Variants in UNC80 observed in about 807,000 individuals in gnomAD.
The protein encoded by UNC80 is protein unc-80 homolog.
A neutral mutation model predicts 384.6 loss-of-function variants in UNC80; 164 were observed. That is an observed-to-expected ratio of 0.43 (90% CI 0.38 to 0.49). UNC80 has a LOEUF of 0.49. Ranked by LOEUF, UNC80 falls within the 20% of genes least tolerant of loss-of-function variation. UNC80 has a pLI of 0.00. For synonymous variants in UNC80, 1,486 were observed against 1,527.8 expected (o/e 0.97, Z 0.64); for missense variants, 3,330 against 4,143.0 (o/e 0.80, Z 5.39).
chr2:209,955,012 G>A (rs2092346132), intron 48 of UNC80, among the ~76,000 whole-genome samples: 1 of 152,148 alleles, frequency 6.6e-6, no homozygotes, highest in Non-Finnish European at 1.5e-5. Context: ...TGCAAGTGGG[G>A]AAGGTGGATG....
chr2:209,894,207 A>T lies in UNC80; in HGVS notation c.4321A>T (p.Ile1441Phe), dbSNP rs982240216. 56 of 985,444 alleles carry T rather than the reference A, an allele frequency of 5.7e-5. No homozygotes were observed. The African/African-American group carries it at 8.5e-4, about 15-fold the overall frequency. 61.0% of individuals were successfully genotyped at this position (985,444 alleles called of 1,614,324 possible). ...IRIGGSRLLQ[I>F]KGTRSFQVKK... ...GATAGGAGGTTCTCGCCTGCTCCAG[A>T]TTAAAGGAACCCGCAGTTTCCAGGT... The change falls in exon 27 of 65, where the codon ATT becomes TTT. Residue 1441 changes from isoleucine (I) to phenylalanine (F), a missense_variant. Coordinates refer to ENST00000673920, the MANE Select transcript of UNC80 (RefSeq NM_001371986.1).
At position 209,872,632 on chromosome 2, in the gene UNC80, TG is replaced by T; in HGVS notation, c.3628-124del. On this transcript the variant is annotated intron_variant, in intron 22 of 64. Coordinates refer to ENST00000673920, the MANE Select transcript of UNC80 (RefSeq NM_001371986.1). The surrounding 1 kb of genome is among the most constrained non-coding windows in gnomAD (Gnocchi z 4.1). ...CATACTGACACCACCCTGGGAAATA[TG>T]GCCAATATAAATCAAAACATGAAGA... is the stretch of plus-strand genomic sequence containing the variant. The T allele has an allele frequency of 2.2e-6, 2 of 898,790 alleles. No individual in the cohort carries two copies. Among genetic ancestry groups the T allele is most frequent in the Non-Finnish European group, 3.4e-6 (2 of 586,532 alleles). The allele number at this position is 898,790 out of a possible 1,614,324, so 55.7% of individuals were successfully genotyped here. A position where few individuals can be genotyped will look rare whatever the true frequency, so the allele number is the denominator to read the frequency against.
chr2:209,801,277 T>C (rs1009275490), intron 7 of UNC80, among the ~76,000 whole-genome samples: 1 of 152,172 alleles, frequency 6.6e-6, no homozygotes, highest in Non-Finnish European at 1.5e-5. Context: ...CTCTTCCTAT[T>C]GAATTGTTCC....
chr2:209,786,298 T>G, intron 5 of UNC80, 109 bp downstream of exon 5: 3 of 1,347,220 alleles, frequency 2.2e-6, no homozygotes, highest in Non-Finnish European at 2.0e-6. Flanking sequence ...AGCAAATATC[T>G]ACATGTAGTT....
chr2:209,831,722 C>T, intron 16 of UNC80, 131 bp downstream of exon 16: 1 of 1,066,900 alleles, frequency 9.4e-7, no homozygotes, highest in South Asian at 2.2e-5. Flanking sequence ...TATCTATTTT[C>T]CCCGGTGTCA....
rs2090096574 is a variant in UNC80 at position 209,922,281 on chromosome 2, C to T, written c.5560C>T (p.Arg1854Ter). ...VEEVTNLASR[R>*]LSVSPSCTSS... is the part of the protein sequence containing the mutation. ...AGAAGTCACCAATCTGGCATCCCGT[C>T]GACTGTCTGTGAGTCCATCCTGCAC... The change falls in exon 35 of 65, where the codon CGA (arginine) becomes TGA (stop). Residue 1854 changes from arginine to a stop codon, truncating the protein, a stop_gained. Transcript: ENST00000673920. LOFTEE classifies it high-confidence loss of function. 4 of 1,552,054 alleles carry T rather than the reference C, an allele frequency of 2.6e-6. No individual in the cohort carries two copies. The highest frequency in any genetic ancestry group is 2.4e-5 in the East Asian group (1 of 40,924).
chr2:209,773,960 G>T (rs2076725186), intron 2 of UNC80, among the ~76,000 whole-genome samples: 1 of 152,168 alleles, frequency 6.6e-6, no homozygotes, highest in Non-Finnish European at 1.5e-5. Context: ...AATAAGACAT[G>T]AAATCATGAA....
intron 47 of UNC80, among the ~76,000 whole-genome samples, chr2:209,953,202 G>A (rs1221619415): frequency 6.6e-6 from 1 of 152,016 alleles, no homozygotes; most frequent in Non-Finnish European, 1.5e-5. Flanking sequence ...AAGATTGCGT[G>A]AGGCCAAGAG....
intron 4 of UNC80, among the ~76,000 whole-genome samples, chr2:209,781,699 C>G (rs2077162398): frequency 6.6e-6 from 1 of 152,162 alleles, no homozygotes; most frequent in Non-Finnish European, 1.5e-5. Flanking sequence ...TCTTCTCACT[C>G]TCCTTTCTGC....
chr2:209,829,199 T>A, intron 14 of UNC80, 33 bp from the exon 15 acceptor site: 1 of 1,549,854 alleles, frequency 6.5e-7, no homozygotes, highest in Non-Finnish European at 8.7e-7. Flanking sequence ...AGCTGGTACT[T>A]GTGACTTTTT....
chr2:209,828,495 T>C (rs556992271), intron 14 of UNC80, among the ~76,000 whole-genome samples: 1 of 152,166 alleles, frequency 6.6e-6, no homozygotes, highest in Non-Finnish European at 1.5e-5. Flanking sequence ...AGTTTCAGTC[T>C]TTTATAATCT....
chr2:209,920,896 C>T (rs952884617), intron 33 of UNC80, among the ~76,000 whole-genome samples: 14 of 151,778 alleles, frequency 9.2e-5, no homozygotes, highest in African/African-American at 1.9e-4. Context: ...GGTGTGATCC[C>T]GGCTCACTGC....
At chr2:209,781,309 G>A (rs2077145416) in intron 4 of UNC80, among the ~76,000 whole-genome samples, 1 of 152,186 alleles carries the variant, frequency 6.6e-6, no homozygotes, top group East Asian at 1.9e-4. Flanking sequence ...GAGGGAAATT[G>A]AGATCCAGAG....
At chr2:209,880,493 T>A (rs963893295) in intron 24 of UNC80, among the ~76,000 whole-genome samples, 2 of 152,336 alleles carry the variant, frequency 1.3e-5, no homozygotes, top group African/African-American at 4.8e-5. Flanking sequence ...CCTCATAAAA[T>A]GAACTGACAG....
At chr2:209,990,410 A>G (rs1389999901) in intron 61 of UNC80, among the ~76,000 whole-genome samples, 1 of 152,194 alleles carries the variant, frequency 6.6e-6, no homozygotes, top group Non-Finnish European at 1.5e-5. Flanking sequence ...TGTTCAAACC[A>G]TTGTACATCA....
chr2:209,974,968 A>G (rs755308755), intron 56 of UNC80, among the ~76,000 whole-genome samples: 1 of 152,132 alleles, frequency 6.6e-6, no homozygotes. Context: ...AGGAATTGAG[A>G]TAAGCAATTG....
At chr2:209,930,523 C>T (rs143307771) in intron 37 of UNC80, among the ~76,000 whole-genome samples, 46 of 152,230 alleles carry the variant, frequency 3.0e-4, no homozygotes, top group South Asian at 1.0e-3. Context: ...CTCTTGTAAC[C>T]TCTCTTTTTC....
intron 54 of UNC80, 56 bp downstream of exon 54, chr2:209,971,013 A>G (rs1327637834): frequency 2.0e-6 from 3 of 1,512,908 alleles, no homozygotes; most frequent in South Asian, 2.6e-5. Context: ...GAGGCACCAG[A>G]TCATGGTGTT....
chr2:209,895,382 A>G (rs2086707070), intron 27 of UNC80, among the ~76,000 whole-genome samples: 1 of 152,238 alleles, frequency 6.6e-6, no homozygotes, highest in Non-Finnish European at 1.5e-5. Context: ...AAAGCTGAGT[A>G]TATTTAATCA....
Sources: gnomAD v4.1 joint callset for allele counts (sites outside exome capture counted in the v4.1 genomes callset) on GRCh38, gnomAD v4.1.1 for gene constraint, Gnocchi (gnomAD v3.1) non-coding constraint, MANE v1.5 for transcripts, NCBI Gene and HGNC (gene_info 2026-07-23, HGNC 2026-07-21) for gene names.